The following CSNK2A1 variants were observed in gnomAD, a reference collection of about 807,000 sequenced individuals.
The protein encoded by CSNK2A1 is casein kinase II subunit alpha.
In CSNK2A1, 10 loss-of-function variants were observed where a neutral mutation model predicts 62.9. The observed-to-expected ratio is 0.16, with a 90% CI of 0.10 to 0.27. CSNK2A1 has a LOEUF of 0.27. CSNK2A1 is among the 10% of genes least tolerant of loss of function. The pLI, the probability that CSNK2A1 is intolerant of heterozygous loss-of-function variation, is 1.00. For missense variants in CSNK2A1, 160 were observed against 492.0 expected (o/e 0.33, Z 6.38); for synonymous variants, 124 against 167.8 (o/e 0.74, Z 2.02).
At chr20:543,589 G>T (rs1033602798) in intron 1 of CSNK2A1, 83 bp downstream of exon 1, 1 of 397,020 alleles carries the variant, frequency 2.5e-6, no homozygotes, top group African/African-American at 2.1e-5. Context: ...TCTGCTGGAA[G>T]CGTGAGGGTC....
chr20:519,387 A>C (rs570025101), intron 2 of CSNK2A1, among the ~76,000 whole-genome samples: 23 of 152,370 alleles, frequency 1.5e-4, no homozygotes, highest in African/African-American at 5.0e-4. Flanking sequence ...AAAGAAATCC[A>C]AAACCAAACA....
At chr20:509,818 C>T (rs573084651) in intron 2 of CSNK2A1, among the ~76,000 whole-genome samples, 1 of 152,176 alleles carries the variant, frequency 6.6e-6, no homozygotes, top group Non-Finnish European at 1.5e-5. Flanking sequence ...CTCAAGCAAT[C>T]CTCCCACCTC....
At position 483,270 on chromosome 20, in the gene CSNK2A1, G is replaced by A. The variant is rs866368248; in HGVS notation, c.*691C>T. 1 of 152,188 alleles carries A rather than the reference G, an allele frequency of 6.6e-6. No individual in the cohort carries two copies. The highest frequency in any genetic ancestry group is 2.1e-4 in the South Asian group (1 of 4,828). The allele number at this position is 152,188 out of a possible 1,614,324, so 9.4% of individuals were successfully genotyped here. ...TAAAAGTATAAATGAGTTGGATTTA[G>A]GGTTAGATCAGTAAGACATGATTCT... On this transcript the variant is annotated 3_prime_UTR_variant, in exon 14 of 14. Coordinates refer to ENST00000217244, the MANE Select transcript of CSNK2A1 (RefSeq NM_177559.3).
chr20:516,444 AT>A (rs1488513976), intron 2 of CSNK2A1, among the ~76,000 whole-genome samples: 5 of 152,250 alleles, frequency 3.3e-5, no homozygotes, highest in Non-Finnish European at 7.3e-5. Flanking sequence ...ATGGGTCTGC[AT>A]GACCTATTCT....
At chr20:527,029 G>C (rs1349683911) in intron 2 of CSNK2A1, 1 of 151,152 alleles carries the variant, frequency 6.6e-6, no homozygotes, top group Non-Finnish European at 1.5e-5. Context: ...GAGAGAGAGA[G>C]AGAGAGAGAG....
At chr20:523,673 C>T (rs2018996600) in intron 2 of CSNK2A1, among the ~76,000 whole-genome samples, 1 of 152,110 alleles carries the variant, frequency 6.6e-6, no homozygotes, top group East Asian at 1.9e-4. Context: ...GGATGGATCA[C>T]AAGGTCAGGA....
chr20:489,438 A>G (rs1168363915), intron 10 of CSNK2A1: 3 of 344,216 alleles, frequency 8.7e-6, no homozygotes, highest in African/African-American at 6.3e-5. Flanking sequence ...CAACCCATAT[A>G]AAGAGCCAAA....
chr20:536,844 C>T (rs1202346123), intron 1 of CSNK2A1, among the ~76,000 whole-genome samples: 1 of 152,152 alleles, frequency 6.6e-6, no homozygotes, highest in Non-Finnish European at 1.5e-5. Context: ...ACAACGCCTG[C>T]CAGAAACGTG....
At chr20:524,251 C>T (rs1180074185) in intron 2 of CSNK2A1, among the ~76,000 whole-genome samples, 2 of 151,262 alleles carry the variant, frequency 1.3e-5, no homozygotes. Context: ...CAGTGAAACC[C>T]ATCTCTACTA....
intron 2 of CSNK2A1, among the ~76,000 whole-genome samples, chr20:524,464 GAT>G (rs2019026684): frequency 6.7e-6 from 1 of 148,470 alleles, no homozygotes; most frequent in South Asian, 2.1e-4. Flanking sequence ...AAATAAAAGA[GAT>G]ACATCTAGGC....
intron 11 of CSNK2A1, chr20:487,788 T>A: frequency 1.6e-6 from 1 of 612,966 alleles, no homozygotes; most frequent in Non-Finnish European, 2.8e-6. Context: ...AAAAGACATC[T>A]GAGTCCTCTC....
chr20:524,144 C>T lies in CSNK2A1; in HGVS notation c.-110+3789G>A, dbSNP rs1012738302. On this transcript the variant is annotated intron_variant, in intron 2 of 13. Coordinates refer to ENST00000217244, the MANE Select transcript of CSNK2A1 (RefSeq NM_177559.3). ...GCTGTCTAAAAGAGATACATCTAGG[C>T]CGGGTGCAGCTGCTCACGCCTGTAA... is the stretch of plus-strand genomic sequence containing the variant. Among the ~76,000 whole-genome samples the T allele has an allele frequency of 1.2e-4, 18 of 151,160 alleles. 1 individual carries two copies. Among genetic ancestry groups the T allele is most frequent in the African/African-American group, 3.9e-4 (16 of 41,146 alleles).
At position 487,578 on chromosome 20, in the gene CSNK2A1, G is replaced by A; in HGVS notation, c.825-3C>T. The A allele has an allele frequency of 1.2e-6, 2 of 1,614,164 alleles. No individual in the cohort carries two copies. The highest frequency in any genetic ancestry group is 2.2e-5 in the East Asian group (1 of 44,888). On this transcript the variant is annotated splice_polypyrimidine_tract_variant and splice_region_variant and intron_variant, in intron 11 of 13. Coordinates refer to ENST00000217244, the MANE Select transcript of CSNK2A1 (RefSeq NM_177559.3). ...GTTCCCATCGCTTTCGAGAGTGTCT[G>A]CAGGACCAAAAGAGGGCATGAGAAA...
At chr20:526,068 T>C (rs2019082210) in intron 2 of CSNK2A1, among the ~76,000 whole-genome samples, 1 of 151,600 alleles carries the variant, frequency 6.6e-6, no homozygotes, top group Non-Finnish European at 1.5e-5. Flanking sequence ...CTTACACATA[T>C]CTCAATAAAT....
intron 13 of CSNK2A1, among the ~76,000 whole-genome samples, chr20:485,137 TG>T (rs1187991599): frequency 1.7e-4 from 16 of 91,932 alleles, no homozygotes; most frequent in South Asian, 4.0e-4. Flanking sequence ...TATATATATA[TG>T]AGAACATTAT....
chr20:472,817 T>C lies in CSNK2A1; in HGVS notation c.*11144A>G, dbSNP rs6052239. 26,066 of 152,222 alleles carry C rather than the reference T, an allele frequency of 0.17. 3,336 individuals carry two copies. Among genetic ancestry groups the C allele is most frequent in the African/African-American group, 0.36 (15,119 of 41,484 alleles). The allele number at this position is 152,222 out of a possible 1,614,324, so 9.4% of individuals were successfully genotyped here. ...GCTGCCTTCAGCCATAATTTCTTTCTGAAGCTTTTGCAAAACCTCTCGGCC... is the reference window on the plus strand; with the variant it reads ...GCTGCCTTCAGCCATAATTTCTTTCCGAAGCTTTTGCAAAACCTCTCGGCC... On this transcript the variant is annotated 3_prime_UTR_variant, in exon 14 of 14. Transcript: ENST00000217244.
intron 1 of CSNK2A1, among the ~76,000 whole-genome samples, chr20:532,273 C>T (rs1351621155): frequency 6.6e-6 from 1 of 151,904 alleles, no homozygotes; most frequent in Non-Finnish European, 1.5e-5. Flanking sequence ...CAAGCGATTC[C>T]CCCGCCTCAG....
intron 1 of CSNK2A1, among the ~76,000 whole-genome samples, chr20:531,532 ACT>A (rs149632367): frequency 1.1e-4 from 17 of 152,216 alleles, no homozygotes; most frequent in African/African-American, 4.1e-4. Context: ...GTGGCCATGA[ACT>A]CTCTGGTAAA....
chr20:517,252 A>C (rs1437254570), intron 2 of CSNK2A1, among the ~76,000 whole-genome samples: 1 of 152,264 alleles, frequency 6.6e-6, no homozygotes, highest in Non-Finnish European at 1.5e-5. Flanking sequence ...AAAAAGCACA[A>C]GTAGCTAATG....
Sources: allele counts gnomAD v4.1 joint callset (sites outside exome capture counted in the v4.1 genomes callset), GRCh38; gene constraint gnomAD v4.1.1; transcripts MANE v1.5; gene names NCBI Gene and HGNC (gene_info 2026-07-23, HGNC 2026-07-21).